Variants in EFCAB9 observed in about 807,000 individuals in gnomAD.
EFCAB9 encodes the protein EF-hand calcium-binding domain-containing protein 9.
EFCAB9 carries 16 observed loss-of-function variants against 15.6 expected under a neutral mutation model. The ratio of observed to expected loss-of-function variants is 1.03; its 90% CI spans 0.69 to 1.56. The LOEUF (loss-of-function observed/expected upper bound fraction) is 1.56, where lower values mean the gene tolerates loss of function less well. Ranked by LOEUF, EFCAB9 falls within the 40% of genes most tolerant of loss-of-function variation. The probability of loss-of-function intolerance (pLI) is 0.00; values close to 1 mark genes in which losing one functional copy is unlikely to be tolerated. For synonymous variants in EFCAB9, 76 were observed against 85.4 expected, an observed-to-expected ratio of 0.89 and a Z score of 0.61; for missense variants, 208 against 235.4, an observed-to-expected ratio of 0.88 and a Z score of 0.76.
intron 1 of EFCAB9, among the ~76,000 whole-genome samples, chr5:172,197,532 T>C (rs1425386368): frequency 6.6e-6 from 1 of 152,202 alleles, no homozygotes; most frequent in Non-Finnish European, 1.5e-5. Context: ...TCTGTAGTTT[T>C]ATAATATCCC....
chr5:172,203,004 A>G (rs1771282306), intron 3 of EFCAB9, among the ~76,000 whole-genome samples: 1 of 152,196 alleles, frequency 6.6e-6, no homozygotes, highest in Admixed American at 6.5e-5. Context: ...GTCTCAAAAA[A>G]ATAAAAGTGG....
chr5:172,199,998 G>A (rs918592764), intron 2 of EFCAB9, among the ~76,000 whole-genome samples: 8 of 143,010 alleles, frequency 5.6e-5, no homozygotes, highest in South Asian at 2.3e-4. Flanking sequence ...GTGCAATGGC[G>A]CGATCTCAGC....
chr5:172,196,490 G>A (rs1471794597), intron 1 of EFCAB9, among the ~76,000 whole-genome samples: 8 of 151,772 alleles, frequency 5.3e-5, no homozygotes, highest in African/African-American at 1.2e-4. Context: ...GGGTTCAAGC[G>A]ATTCTCCTCC....
At chr5:172,197,333 G>A (rs564121014) in intron 1 of EFCAB9, among the ~76,000 whole-genome samples, 1 of 151,878 alleles carries the variant, frequency 6.6e-6, no homozygotes, top group South Asian at 2.1e-4. Context: ...TCTCGAACTC[G>A]TGACCTCAGG....
chr5:172,200,812 T>G, intron 3 of EFCAB9, 70 bp downstream of exon 3: 2 of 1,419,670 alleles, frequency 1.4e-6, no homozygotes, highest in Non-Finnish European at 1.9e-6. Context: ...AATGTCCTAC[T>G]ACATATAGGA....
chr5:172,199,529 C>A lies in EFCAB9; in HGVS notation c.283C>A (p.Gln95Lys). The A allele has an allele frequency of 6.5e-7, 1 of 1,537,076 alleles. No individual in the cohort carries two copies. Among genetic ancestry groups the A allele is most frequent in the Non-Finnish European group, 8.7e-7 (1 of 1,146,844 alleles). ...YMLVCMLLAH[Q>K]NHLEGQFMYR... is the part of the protein sequence containing the mutation. ...GCTGGTGTGCATGCTGCTGGCCCAC[C>A]AGGCAAGTAGCCGCGCGGCTGCTGC... Residue 95 changes from glutamine (Q) to lysine (K), a missense_variant and splice_region_variant, in exon 2 of 4, where the codon CAG (glutamine) becomes AAG (lysine). Transcript: ENST00000398186.
chr5:172,195,387 G>T (rs1771143821), intron 1 of EFCAB9, among the ~76,000 whole-genome samples: 2 of 152,054 alleles, frequency 1.3e-5, no homozygotes, highest in South Asian at 4.1e-4. Context: ...ATGATTTTAA[G>T]GAGTTCATTC....
Position 172,200,631 on chromosome 5 carries a change from AG to A in EFCAB9, c.355del (p.Asp119IlefsTer2). 6.5e-7 allele frequency: 1 copy of A among 1,537,232 alleles called. No homozygotes were observed. Among genetic ancestry groups the A allele is most frequent in the Non-Finnish European group, 8.7e-7 (1 of 1,146,920 alleles). On this transcript the variant is annotated frameshift_variant, in exon 3 of 4. Transcript: ENST00000398186. LOFTEE classifies it high-confidence loss of function. ...CTGTCTTTGACCTGCTTGACCTGAA[AG>A]GGGATCTGAGAATTGGTGCAAAAAA... is the stretch of plus-strand genomic sequence containing the variant. ...RPVFDLLDLKGDLRIGAKNFE... is the reference protein window; with the variant it reads ...RPVFDLLDLKXDLRIGAKNFE...
At chr5:172,197,075 C>T (rs1771176613) in intron 1 of EFCAB9, among the ~76,000 whole-genome samples, 1 of 152,002 alleles carries the variant, frequency 6.6e-6, no homozygotes, top group Admixed American at 6.6e-5. Context: ...CACACTCGAA[C>T]CCCAGCTCTG....
At chr5:172,195,618 AACC>A (rs750099652) in intron 1 of EFCAB9, among the ~76,000 whole-genome samples, 3 of 152,136 alleles carry the variant, frequency 2.0e-5, no homozygotes, top group Non-Finnish European at 4.4e-5. Flanking sequence ...GCTCCCTGGT[AACC>A]TCCCTGCTGA....
chr5:172,202,126 G>C (rs1771264082), intron 3 of EFCAB9, among the ~76,000 whole-genome samples: 1 of 151,914 alleles, frequency 6.6e-6, no homozygotes, highest in South Asian at 2.1e-4. Flanking sequence ...AGATCACGAG[G>C]ACAGGAGATC....
intron 1 of EFCAB9, among the ~76,000 whole-genome samples, chr5:172,198,827 G>A (rs976413964): frequency 6.6e-6 from 1 of 152,152 alleles, no homozygotes; most frequent in Non-Finnish European, 1.5e-5. Context: ...TATTGGCTAG[G>A]CTGGTCTCAA....
chr5:172,202,811 C>A (rs1289947812), intron 3 of EFCAB9, among the ~76,000 whole-genome samples: 1 of 151,808 alleles, frequency 6.6e-6, no homozygotes, highest in African/African-American at 2.4e-5. Flanking sequence ...ACCAGCCTGA[C>A]CAACGTGATG....
At chr5:172,194,386 A>T (rs1581198982) in intron 1 of EFCAB9, 78 bp downstream of exon 1, 2 of 1,482,314 alleles carry the variant, frequency 1.3e-6, no homozygotes, top group Non-Finnish European at 1.8e-6. Context: ...GCAGAGCCAG[A>T]AACTATTTTG....
chr5:172,203,376 G>T lies in EFCAB9; in HGVS notation c.*31G>T. On this transcript the variant is annotated 3_prime_UTR_variant, in exon 4 of 4. Coordinates refer to ENST00000398186, the MANE Select transcript of EFCAB9 (RefSeq NM_001171183.2). ...AGCTGAAAGAGTCTTGGAAAAAAAT[G>T]GGATCTGAAAGTACAGAACATGAAC... 6.6e-7 allele frequency: 1 copy of T among 1,519,302 alleles called. No homozygotes were observed. The highest frequency in any genetic ancestry group is 1.2e-5 in the South Asian group (1 of 81,598). 94.1% of individuals were successfully genotyped at this position (1,519,302 alleles called of 1,614,324 possible). A position where few individuals can be genotyped will look rare whatever the true frequency, so the allele number is the denominator to read the frequency against.
intron 1 of EFCAB9, among the ~76,000 whole-genome samples, chr5:172,196,345 T>C (rs1359065959): frequency 6.6e-6 from 1 of 151,954 alleles, no homozygotes; most frequent in African/African-American, 2.4e-5. Flanking sequence ...CAGCTGGGAC[T>C]CCACATTACA....
chr5:172,199,706 C>T lies in EFCAB9; in HGVS notation c.285+175C>T, dbSNP rs117104231. ...TCAACAGCTTCTCCCTGAGGCAGCC[C>T]CAGCCTCTTGGCCGCCCTCCTACTC... is the stretch of plus-strand genomic sequence containing the variant. On this transcript the variant is annotated intron_variant, in intron 2 of 3. Transcript: ENST00000398186. 5.8e-4 allele frequency among the ~76,000 whole-genome samples: 89 copies of T among 152,220 alleles called. No homozygotes were observed. In the East Asian group the frequency reaches 0.017, roughly 29 times the overall value.
At chr5:172,202,066 C>T (rs1289372387) in intron 3 of EFCAB9, among the ~76,000 whole-genome samples, 3 of 151,970 alleles carry the variant, frequency 2.0e-5, no homozygotes, top group East Asian at 1.9e-4. Context: ...TGGGGTTGGG[C>T]GCGGTGGCTC....
At position 172,202,768 on chromosome 5, in the gene EFCAB9, G is replaced by A. The variant is rs147544593; in HGVS notation, c.463-446G>A. 6.0e-3 allele frequency among the ~76,000 whole-genome samples: 911 copies of A among 151,774 alleles called. 8 individuals are homozygous for A. The highest frequency in any genetic ancestry group is 0.021 in the African/African-American group (866 of 41,400). ...TGTAATCCCAGCACTTTGGGAGGCC[G>A]AGGCAGGCGGGTCATGAGGTCAGGA... On this transcript the variant is annotated intron_variant, in intron 3 of 3. Transcript: ENST00000398186.
Sources: allele counts gnomAD v4.1 joint callset (sites outside exome capture counted in the v4.1 genomes callset), GRCh38; gene constraint gnomAD v4.1.1; transcripts MANE v1.5; gene names NCBI Gene and HGNC (gene_info 2026-07-23, HGNC 2026-07-21).